SEMA3E: variants seen among roughly 807,000 people sequenced by gnomAD.
The protein encoded by SEMA3E is semaphorin 3E.
In SEMA3E, 49 loss-of-function variants were observed where a neutral mutation model predicts 93.6. That is an observed-to-expected ratio of 0.52 (90% CI 0.42 to 0.66). The LOEUF is 0.66. SEMA3E is among the 30% of genes least tolerant of loss of function. The pLI, the probability that SEMA3E is intolerant of heterozygous loss-of-function variation, is 0.00. For missense variants in SEMA3E, 906 were observed against 964.8 expected (o/e 0.94, Z 0.81); for synonymous variants, 363 against 330.7 (o/e 1.10, Z -1.06).
chr7:83,604,932 G>T (rs1793079600), intron 1 of SEMA3E, among the ~76,000 whole-genome samples: 1 of 152,074 alleles, frequency 6.6e-6, no homozygotes, highest in Non-Finnish European at 1.5e-5. Flanking sequence ...ATGGCTTTCA[G>T]TTTCATCCAC....
chr7:83,394,857 T>G (rs537405325), intron 12 of SEMA3E, among the ~76,000 whole-genome samples: 6 of 152,270 alleles, frequency 3.9e-5, no homozygotes, highest in African/African-American at 1.4e-4. Context: ...CTGATTTTCT[T>G]AGAACTGCAC....
chr7:83,493,231 A>G (rs1354141076), intron 1 of SEMA3E, among the ~76,000 whole-genome samples: 3 of 151,958 alleles, frequency 2.0e-5, no homozygotes, highest in Non-Finnish European at 4.4e-5. Flanking sequence ...AAGCTTATCA[A>G]AGGGAGGGAG....
chr7:83,611,290 A>G (rs1193019907), intron 1 of SEMA3E, among the ~76,000 whole-genome samples: 1 of 143,492 alleles, frequency 7.0e-6, no homozygotes, highest in Non-Finnish European at 1.5e-5. Context: ...TATATATTAA[A>G]TTTATATATT....
At chr7:83,552,415 G>C (rs890431499) in intron 1 of SEMA3E, among the ~76,000 whole-genome samples, 1 of 152,090 alleles carries the variant, frequency 6.6e-6, no homozygotes, top group Non-Finnish European at 1.5e-5. Flanking sequence ...ATGTGTGTTT[G>C]AACAATATGA....
intron 4 of SEMA3E, among the ~76,000 whole-genome samples, chr7:83,453,451 T>C (rs370062389): frequency 6.2e-5 from 9 of 144,210 alleles, no homozygotes; most frequent in African/African-American, 7.6e-5. Flanking sequence ...CATTGTCAGG[T>C]AATCTCTATT....
rs143759119 is a variant in SEMA3E, at chr7:83,407,628, A to G, written c.671-389T>C. ...AACTAAATGTAAGTATAAGTAACATATTAAAGTAAATAAATCTATCATAAT... is the reference window on the plus strand; with the variant it reads ...AACTAAATGTAAGTATAAGTAACATGTTAAAGTAAATAAATCTATCATAAT... On this transcript the variant is annotated intron_variant, in intron 6 of 16. Transcript: ENST00000643230. 5.5e-3 allele frequency among the ~76,000 whole-genome samples: 831 copies of G among 152,274 alleles called. 7 individuals carry two copies. Among genetic ancestry groups the G allele is most frequent in the African/African-American group, 0.019 (783 of 41,580 alleles).
chr7:83,530,727 A>C (rs1242471674), intron 1 of SEMA3E, among the ~76,000 whole-genome samples: 1 of 152,040 alleles, frequency 6.6e-6, no homozygotes, highest in Non-Finnish European at 1.5e-5. Flanking sequence ...AAATACAAAA[A>C]ATCAGTCAGG....
At chr7:83,570,143 G>T (rs1262998522) in intron 1 of SEMA3E, among the ~76,000 whole-genome samples, 1 of 151,996 alleles carries the variant, frequency 6.6e-6, no homozygotes, top group East Asian at 1.9e-4. Flanking sequence ...AGAAAACTAA[G>T]GCAGAAATCA....
At chr7:83,547,049 T>C (rs1386391031) in intron 1 of SEMA3E, among the ~76,000 whole-genome samples, 2 of 152,164 alleles carry the variant, frequency 1.3e-5, no homozygotes, top group African/African-American at 4.8e-5. Context: ...TAATAAGCTG[T>C]CTTTCCTAAA....
chr7:83,378,947 A>G (rs1253476828), intron 16 of SEMA3E, among the ~76,000 whole-genome samples: 2 of 151,858 alleles, frequency 1.3e-5, no homozygotes, highest in Admixed American at 6.6e-5. Flanking sequence ...ACCTCCATTC[A>G]TATGTTTATC....
chr7:83,641,509 G>T, intron 1 of SEMA3E: 1 of 330,540 alleles, frequency 3.0e-6, no homozygotes, highest in Non-Finnish European at 4.3e-6. Flanking sequence ...AATTACCTTT[G>T]TTAGTACTGT....
intron 2 of SEMA3E, among the ~76,000 whole-genome samples, chr7:83,480,730 T>C (rs2115939355): frequency 6.6e-6 from 1 of 152,306 alleles, no homozygotes; most frequent in South Asian, 2.1e-4. Flanking sequence ...TAGACTTAAG[T>C]TCAATTAAAT....
intron 10 of SEMA3E, among the ~76,000 whole-genome samples, chr7:83,401,272 TACA>T (rs1562764972): frequency 6.6e-6 from 1 of 152,112 alleles, no homozygotes; most frequent in Non-Finnish European, 1.5e-5. Flanking sequence ...CCTCCAGAAC[TACA>T]ACAATTGCAA....
At chr7:83,618,970 T>C (rs1419472082) in intron 1 of SEMA3E, among the ~76,000 whole-genome samples, 1 of 151,900 alleles carries the variant, frequency 6.6e-6, no homozygotes, top group Non-Finnish European at 1.5e-5. Context: ...ATACCCATCA[T>C]ACATTCTTAT....
intron 1 of SEMA3E, among the ~76,000 whole-genome samples, chr7:83,500,422 C>T (rs1022139103): frequency 2.0e-5 from 3 of 151,670 alleles, no homozygotes; most frequent in Non-Finnish European, 4.4e-5. Context: ...GGCGACAGAG[C>T]GAGACTCCGT....
chr7:83,553,140 C>T (rs1263749693), intron 1 of SEMA3E, among the ~76,000 whole-genome samples: 1 of 152,192 alleles, frequency 6.6e-6, no homozygotes, highest in Non-Finnish European at 1.5e-5. Context: ...GATGTCACCC[C>T]TGGCGGCCCA....
chr7:83,626,815 T>C (rs577627830), intron 1 of SEMA3E, among the ~76,000 whole-genome samples: 1 of 152,324 alleles, frequency 6.6e-6, no homozygotes, highest in Admixed American at 6.5e-5. Context: ...CAATTTTAGA[T>C]CTTTCCCACT....
intron 5 of SEMA3E, among the ~76,000 whole-genome samples, chr7:83,415,659 T>C (rs1456958989): frequency 6.6e-6 from 1 of 152,106 alleles, no homozygotes; most frequent in Non-Finnish European, 1.5e-5. Flanking sequence ...CAACTGAATT[T>C]AAGTTAACTG....
intron 1 of SEMA3E, among the ~76,000 whole-genome samples, chr7:83,558,126 CA>C (rs1165799820): frequency 1.3e-5 from 2 of 152,036 alleles, no homozygotes; most frequent in Non-Finnish European, 2.9e-5. Flanking sequence ...TGTAATTTAA[CA>C]ATCTGGGAGA....
Sources: allele counts gnomAD v4.1 joint callset (sites outside exome capture counted in the v4.1 genomes callset), GRCh38; gene constraint gnomAD v4.1.1; transcripts MANE v1.5; gene names NCBI Gene and HGNC (gene_info 2026-07-23, HGNC 2026-07-21).